B4GALT1: variants seen among roughly 807,000 people sequenced by gnomAD.
The protein encoded by B4GALT1 is N-acetyllactosamine synthase.
In B4GALT1, 16 loss-of-function variants were observed where a neutral mutation model predicts 34.9. The observed-to-expected ratio is 0.46, with a 90% CI of 0.31 to 0.70. The LOEUF (loss-of-function observed/expected upper bound fraction) is 0.70. B4GALT1 is among the 30% of genes least tolerant of loss of function. B4GALT1 has a pLI of 0.05. For missense variants in B4GALT1, 445 were observed against 530.5 expected (o/e 0.84, Z 1.58); for synonymous variants, 221 against 218.1 (o/e 1.01, Z -0.12).
At chr9:33,126,424 G>A (rs1269954789) in intron 2 of B4GALT1, among the ~76,000 whole-genome samples, 1 of 152,114 alleles carries the variant, frequency 6.6e-6, no homozygotes, top group African/African-American at 2.4e-5. Context: ...CAGCAGTTGG[G>A]CTCTAGTTTT....
intron 1 of B4GALT1, among the ~76,000 whole-genome samples, chr9:33,162,376 C>T (rs1840687388): frequency 6.6e-6 from 1 of 152,118 alleles, no homozygotes; most frequent in Non-Finnish European, 1.5e-5. Context: ...CCTCCCCTGC[C>T]TAAATTAAGA....
chr9:33,128,071 T>C (rs969501652), intron 2 of B4GALT1, among the ~76,000 whole-genome samples: 1 of 152,120 alleles, frequency 6.6e-6, no homozygotes, highest in Non-Finnish European at 1.5e-5. Context: ...GCAGCAGCAG[T>C]GGCAGCGGTA....
At chr9:33,117,707 C>T (rs1010945467) in intron 3 of B4GALT1, among the ~76,000 whole-genome samples, 4 of 152,234 alleles carry the variant, frequency 2.6e-5, no homozygotes, top group African/African-American at 9.6e-5. Flanking sequence ...TAAGGATCCT[C>T]AAGCAAAGGT....
intron 1 of B4GALT1, among the ~76,000 whole-genome samples, chr9:33,141,440 C>T (rs1196760204): frequency 6.6e-6 from 1 of 152,082 alleles, no homozygotes; most frequent in Non-Finnish European, 1.5e-5. Context: ...TCTCTTGAAC[C>T]TGGGAGGTGA....
chr9:33,129,866 T>C (rs1314065297), intron 2 of B4GALT1, among the ~76,000 whole-genome samples: 1 of 150,846 alleles, frequency 6.6e-6, no homozygotes, highest in Admixed American at 6.6e-5. Context: ...GGTGTCTGGG[T>C]GGAGATGGGG....
In B4GALT1 at chr9:33,146,671, G is replaced by T. The variant is rs569772387; in HGVS notation, c.413-11247C>A. ...TAGACATTTGACACACAGTCTACAG[G>T]AACTAAATGCAATTTTCTTTCTTTT... On this transcript the variant is annotated intron_variant, in intron 1 of 5. Transcript: ENST00000379731. Among the ~76,000 whole-genome samples, 46 of 149,158 alleles carry T rather than the reference G, an allele frequency of 3.1e-4. 1 individual carries two copies. Among genetic ancestry groups the T allele is most frequent in the Non-Finnish European group, 5.2e-4 (35 of 67,672 alleles).
chr9:33,183,753 G>A, the B4GALT1 span, among the ~76,000 whole-genome samples: 2 of 151,122 alleles, frequency 1.3e-5, no homozygotes, highest in African/African-American at 2.4e-5. Context: ...TGCACAATGT[G>A]CACATGTACC....
intron 4 of B4GALT1, among the ~76,000 whole-genome samples, chr9:33,114,703 G>T (rs1587726829): frequency 6.6e-6 from 1 of 152,342 alleles, no homozygotes; most frequent in East Asian, 1.9e-4. Flanking sequence ...CAAAATGAAA[G>T]CCTGGAGAGC....
chr9:33,139,861 C>G (rs962318275), intron 1 of B4GALT1, among the ~76,000 whole-genome samples: 1 of 152,228 alleles, frequency 6.6e-6, no homozygotes, highest in African/African-American at 2.4e-5. Context: ...CACAGGCTCT[C>G]GGCCCCGCTG....
chr9:33,143,941 C>G (rs1840389232), intron 1 of B4GALT1, among the ~76,000 whole-genome samples: 1 of 151,344 alleles, frequency 6.6e-6, no homozygotes, highest in Non-Finnish European at 1.5e-5. Flanking sequence ...GCAGTGGTGC[C>G]AGCTCACTGC....
intron 2 of B4GALT1, among the ~76,000 whole-genome samples, chr9:33,122,342 A>T (rs1840032553): frequency 6.6e-6 from 1 of 151,752 alleles, no homozygotes; most frequent in Non-Finnish European, 1.5e-5. Context: ...ACATGGTGAG[A>T]CTCTGCCTCT....
In B4GALT1 at chr9:33,116,038, A is replaced by G; in HGVS notation, c.912T>C (p.Pro304=). Residue 304 remains proline (P), a synonymous_variant, in exon 4 of 6, where the codon CCT becomes CCC. Transcript: ENST00000379731. ...CTCCTCCCCAGCCCCAATAATTATT[A>G]GGAAATCCATTGATGGTTAGAAACT... ...KQQFLTINGF[P]NNYWGWGGED... The G allele has an allele frequency of 6.2e-7, 1 of 1,613,310 alleles. No individual in the cohort carries two copies. The highest frequency in any genetic ancestry group is 1.1e-5 in the South Asian group (1 of 91,072).
intron 2 of B4GALT1, among the ~76,000 whole-genome samples, chr9:33,128,980 C>T (rs1301191369): frequency 6.6e-6 from 1 of 152,196 alleles, no homozygotes; most frequent in Non-Finnish European, 1.5e-5. Flanking sequence ...GGAACTATCA[C>T]CCCATCATCC....
chr9:33,181,661 C>G, the B4GALT1 span, among the ~76,000 whole-genome samples: 1 of 152,196 alleles, frequency 6.6e-6, no homozygotes, highest in Non-Finnish European at 1.5e-5. Flanking sequence ...CTATACCCCT[C>G]TGGCCACAGT....
intron 2 of B4GALT1, among the ~76,000 whole-genome samples, chr9:33,124,000 G>A (rs1368623532): frequency 2.6e-5 from 4 of 152,224 alleles, no homozygotes; most frequent in Non-Finnish European, 4.4e-5. Flanking sequence ...TCTGTGGGAT[G>A]CAGTGAGACG....
In B4GALT1 at chr9:33,127,619, A is replaced by G. The variant is rs56328401; in HGVS notation, c.649-7013T>C. On this transcript the variant is annotated intron_variant, in intron 2 of 5. Coordinates refer to ENST00000379731, the MANE Select transcript of B4GALT1 (RefSeq NM_001497.4). ...GTTCATTATGGTATTACTTACACTCACGGAAAATTGGACATTACCTAAGGG... is the reference window on the plus strand; with the variant it reads ...GTTCATTATGGTATTACTTACACTCGCGGAAAATTGGACATTACCTAAGGG... Among the ~76,000 whole-genome samples, 949 of 152,340 alleles carry G rather than the reference A, an allele frequency of 6.2e-3. 13 individuals are homozygous for G. Among genetic ancestry groups the G allele is most frequent in the Non-Finnish European group, 8.2e-3 (556 of 68,030 alleles).
At chr9:33,152,645 G>A (rs912493527) in intron 1 of B4GALT1, among the ~76,000 whole-genome samples, 4 of 152,056 alleles carry the variant, frequency 2.6e-5, no homozygotes, top group Non-Finnish European at 2.9e-5. Flanking sequence ...GGGAGGCCGA[G>A]GCAGGTGAAT....
chr9:33,155,194 A>G (rs1340078694), intron 1 of B4GALT1, among the ~76,000 whole-genome samples: 1 of 152,180 alleles, frequency 6.6e-6, no homozygotes, highest in African/African-American at 2.4e-5. Flanking sequence ...ACTGAGGCCC[A>G]GAGAGAGAAC....
At chr9:33,177,986 C>CTTT in the B4GALT1 span, among the ~76,000 whole-genome samples, 395 of 107,346 alleles carry the variant, frequency 3.7e-3, 8 homozygotes, top group East Asian at 0.011. Context: ...AAACAGAAGA[C>CTTT]TTTTTTTTTT....
Sources: allele counts gnomAD v4.1 joint callset (sites outside exome capture counted in the v4.1 genomes callset), GRCh38; gene constraint gnomAD v4.1.1; transcripts MANE v1.5; gene names NCBI Gene and HGNC (gene_info 2026-07-23, HGNC 2026-07-21).